ARL5A: variants seen among roughly 807,000 people sequenced by gnomAD.
ARL5A encodes the protein ADP-ribosylation factor-like protein 5A.
In ARL5A, 18 loss-of-function variants were observed where a neutral mutation model predicts 25.9. The ratio of observed to expected loss-of-function variants is 0.69; its 90% CI spans 0.48 to 1.03. The LOEUF (loss-of-function observed/expected upper bound fraction) is 1.03, where lower values mean the gene tolerates loss of function less well. ARL5A is among the 50% of genes least tolerant of loss of function. ARL5A has a pLI of 0.00. For missense variants in ARL5A, 170 were observed against 211.9 expected, an observed-to-expected ratio of 0.80 and a Z score of 1.23; for synonymous variants, 61 against 67.5, an observed-to-expected ratio of 0.90 and a Z score of 0.47.
chr2:151,809,724 C>T (rs2151292991), intron 4 of ARL5A, among the ~76,000 whole-genome samples: 1 of 152,312 alleles, frequency 6.6e-6, no homozygotes, highest in South Asian at 2.1e-4. Context: ...AGATGAATAA[C>T]AGCAATTGCA....
chr2:151,814,675 T>A (rs1006308620), intron 2 of ARL5A, among the ~76,000 whole-genome samples: 4 of 151,952 alleles, frequency 2.6e-5, no homozygotes, highest in African/African-American at 9.7e-5. Context: ...CCCACCTCAG[T>A]CTCCTGAGTA....
intron 4 of ARL5A, 60 bp downstream of exon 4, chr2:151,812,297 A>T (rs2099830949): frequency 8.1e-7 from 1 of 1,236,796 alleles, no homozygotes; most frequent in Non-Finnish European, 1.1e-6. Flanking sequence ...GAAACTAGAA[A>T]ACAAAGTATC....
chr2:151,813,723 T>C (rs578027862), intron 3 of ARL5A, among the ~76,000 whole-genome samples: 1 of 152,328 alleles, frequency 6.6e-6, no homozygotes, highest in Admixed American at 6.5e-5. Context: ...TAAAAAGATA[T>C]GACTATGTCT....
At chr2:151,813,108 G>A (rs1466065563) in intron 3 of ARL5A, among the ~76,000 whole-genome samples, 4 of 152,212 alleles carry the variant, frequency 2.6e-5, no homozygotes, top group African/African-American at 9.7e-5. Flanking sequence ...AGCAGGAACA[G>A]ATGGAGATTT....
intron 1 of ARL5A, among the ~76,000 whole-genome samples, chr2:151,825,819 T>C (rs976744870): frequency 2.0e-5 from 3 of 146,346 alleles, no homozygotes; most frequent in African/African-American, 2.6e-5. Flanking sequence ...ATATGTCCTA[T>C]ACAGAAAAAA....
rs1053274937 is a variant in ARL5A at position 151,800,691 on chromosome 2, A to T, written c.*2585T>A. 4 of 152,228 alleles carry T rather than the reference A, an allele frequency of 2.6e-5. No homozygotes were observed. The highest frequency in any genetic ancestry group is 2.6e-4 in the Admixed American group (4 of 15,280). The allele number at this position is 152,228 out of a possible 1,614,324, so 9.4% of individuals were successfully genotyped here. On this transcript the variant is annotated 3_prime_UTR_variant, in exon 6 of 6. Transcript: ENST00000295087. The stretch of plus-strand genomic sequence containing the variant: ...AACAAGAACCCTCTATATAATGTGT[A>T]AGATGTACTTTTACAGATGCTATTA...
At chr2:151,815,671 G>A (rs1428303137) in intron 1 of ARL5A, among the ~76,000 whole-genome samples, 1 of 152,156 alleles carries the variant, frequency 6.6e-6, no homozygotes, top group Non-Finnish European at 1.5e-5. Flanking sequence ...TAAATTATGA[G>A]TACCTTAAAA....
At chr2:151,812,271 G>T in intron 4 of ARL5A, 86 bp downstream of exon 4, 1 of 909,768 alleles carries the variant, frequency 1.1e-6, no homozygotes, top group Non-Finnish European at 1.6e-6. Context: ...ATTTGAAATT[G>T]ATAGCACCCT....
intron 1 of ARL5A, among the ~76,000 whole-genome samples, chr2:151,816,616 C>T (rs927186999): frequency 1.1e-4 from 16 of 152,178 alleles, no homozygotes; most frequent in African/African-American, 3.9e-4. Flanking sequence ...TACCACCTAT[C>T]ACTCAGGGTT....
At chr2:151,807,571 C>G (rs1174385849) in intron 4 of ARL5A, among the ~76,000 whole-genome samples, 1 of 152,146 alleles carries the variant, frequency 6.6e-6, no homozygotes, top group African/African-American at 2.4e-5. Flanking sequence ...CAGCTAGTAC[C>G]TTCTAGCTGC....
intron 1 of ARL5A, among the ~76,000 whole-genome samples, chr2:151,822,470 C>G (rs1343529156): frequency 6.6e-6 from 1 of 152,198 alleles, no homozygotes; most frequent in East Asian, 1.9e-4. Flanking sequence ...AATAGTAGAT[C>G]AATTTCCTCT....
chr2:151,827,882 C>T (rs1018804604), intron 1 of ARL5A: 1 of 523,912 alleles, frequency 1.9e-6, no homozygotes, highest in Admixed American at 4.0e-5. Context: ...GAAATCGGAG[C>T]AATGGGTCTA....
At chr2:151,821,237 T>C (rs963937297) in intron 1 of ARL5A, among the ~76,000 whole-genome samples, 3 of 152,234 alleles carry the variant, frequency 2.0e-5, no homozygotes, top group African/African-American at 7.2e-5. Flanking sequence ...TACTTACAAA[T>C]GCATAAATAT....
intron 5 of ARL5A, among the ~76,000 whole-genome samples, chr2:151,803,720 C>A (rs1440039774): frequency 6.6e-6 from 1 of 152,180 alleles, no homozygotes; most frequent in Admixed American, 6.5e-5. Flanking sequence ...GCACCCAGAA[C>A]GCTGTCTGAC....
chr2:151,826,581 G>A (rs1485916073), intron 1 of ARL5A, among the ~76,000 whole-genome samples: 1 of 152,200 alleles, frequency 6.6e-6, no homozygotes, highest in Non-Finnish European at 1.5e-5. Context: ...TGAAACACTA[G>A]CTTTGCTAAA....
At chr2:151,810,163 C>T (rs1330496245) in intron 4 of ARL5A, among the ~76,000 whole-genome samples, 1 of 152,138 alleles carries the variant, frequency 6.6e-6, no homozygotes, top group Non-Finnish European at 1.5e-5. Context: ...AAATTTCAGA[C>T]TTTGGTGTTT....
rs1436915069 is a variant in ARL5A, at chr2:151,828,300, CG to C, written c.-125del. 6 of 870,036 alleles carry C rather than the reference CG, an allele frequency of 6.9e-6. No individual in the cohort carries two copies. Among genetic ancestry groups the C allele is most frequent in the Non-Finnish European group, 1.0e-5 (6 of 580,900 alleles). 53.9% of individuals were successfully genotyped at this position (870,036 alleles called of 1,614,324 possible). A position where few individuals can be genotyped will look rare whatever the true frequency, so the allele number is the denominator to read the frequency against. On this transcript the variant is annotated 5_prime_UTR_variant, in exon 1 of 6. The change abolishes the stop of an existing upstream ORF in the 5' untranslated region. Coordinates refer to ENST00000295087, the MANE Select transcript of ARL5A (RefSeq NM_012097.4). ...TCTGCTGCTGCTCCCGCGCTGGTCG[CG>C]GGCCCGCTTCCAGGGAACCGGAGGG...
intron 4 of ARL5A, among the ~76,000 whole-genome samples, chr2:151,808,227 A>C (rs1403487927): frequency 6.6e-6 from 1 of 152,210 alleles, no homozygotes; most frequent in Admixed American, 6.5e-5. Flanking sequence ...AGAGATATAA[A>C]ATTAAGGTTT....
At position 151,801,162 on chromosome 2, in the gene ARL5A, G is replaced by C. The variant is rs1428088957; in HGVS notation, c.*2114C>G. 1 of 152,484 alleles carries C rather than the reference G, an allele frequency of 6.6e-6. No homozygotes were observed. The highest frequency in any genetic ancestry group is 1.5e-5 in the Non-Finnish European group (1 of 67,988). 9.4% of individuals were successfully genotyped at this position (152,484 alleles called of 1,614,324 possible). A position where few individuals can be genotyped will look rare whatever the true frequency, so the allele number is the denominator to read the frequency against. ...GAAAACAAAATCATGTTTTATAAAT[G>C]TGGTATAAAATTACACATCTTCTCA... On this transcript the variant is annotated 3_prime_UTR_variant, in exon 6 of 6. Coordinates refer to ENST00000295087, the MANE Select transcript of ARL5A (RefSeq NM_012097.4).
Sources: allele counts gnomAD v4.1 joint callset (sites outside exome capture counted in the v4.1 genomes callset), GRCh38; gene constraint gnomAD v4.1.1; transcripts MANE v1.5; gene names NCBI Gene and HGNC (gene_info 2026-07-23, HGNC 2026-07-21).